SCARB1: variants seen among roughly 807,000 people sequenced by gnomAD.
The protein encoded by SCARB1 is CD36 and LIMPII analogous 1.
In SCARB1, 30 loss-of-function variants were observed where a neutral mutation model predicts 57.2. The ratio of observed to expected loss-of-function variants is 0.52; its 90% CI spans 0.39 to 0.71. SCARB1 has a LOEUF of 0.71. Ranked by LOEUF, SCARB1 falls within the 30% of genes least tolerant of loss-of-function variation. The probability of loss-of-function intolerance (pLI) is 0.00; values close to 1 mark genes in which losing one functional copy is unlikely to be tolerated. For synonymous variants in SCARB1, 249 were observed against 268.3 expected, an observed-to-expected ratio of 0.93 and a Z score of 0.70; for missense variants, 543 against 671.2, an observed-to-expected ratio of 0.81 and a Z score of 2.11.
chr12:124,826,920 A>G (rs1319022267), intron 1 of SCARB1, among the ~76,000 whole-genome samples: 3 of 152,228 alleles, frequency 2.0e-5, no homozygotes, highest in African/African-American at 7.2e-5. Context: ...AAAAACATTC[A>G]GGGAAATGAT....
chr12:124,830,660 G>T (rs77221579), intron 1 of SCARB1, among the ~76,000 whole-genome samples: 2,430 of 152,230 alleles, frequency 0.016, 32 homozygotes, highest in Non-Finnish European at 0.022. Context: ...ATACTGACAG[G>T]GAGGGGTGCG....
In SCARB1 at chr12:124,807,845, C is replaced by T; in HGVS notation, c.925G>A (p.Ala309Thr). ...TTGGGTGGGTAGATGGACCCGTTGG[C>T]AAACAGGGTTTTGGGAGCCACGAAG... ...YRFVAPKTLF[A>T]NGSIYPPNEG... is the part of the protein sequence containing the mutation. The change falls in exon 7 of 13, where the codon GCC (alanine) becomes ACC (threonine). Residue 309 changes from alanine (A) to threonine (T), a missense_variant. By Grantham distance (58) the Ala-to-Thr change is moderately conservative. Transcript: ENST00000261693. The surrounding 1 kb of genome is among the most constrained non-coding windows in gnomAD (Gnocchi z 5.3). The T allele has an allele frequency of 6.2e-7, 1 of 1,614,136 alleles. No homozygotes were observed. The highest frequency in any genetic ancestry group is 8.5e-7 in the Non-Finnish European group (1 of 1,179,996).
chr12:124,778,697 C>A (rs562733996), intron 12 of SCARB1, 111 bp from the exon 13 acceptor site: 23 of 1,106,744 alleles, frequency 2.1e-5, no homozygotes, highest in Non-Finnish European at 2.6e-5. Context: ...ACTCCACCCC[C>A]GCCACCAGGC....
At chr12:124,863,514 C>T (rs1819672278) in intron 1 of SCARB1, 81 bp downstream of exon 1, 2 of 1,485,032 alleles carry the variant, frequency 1.3e-6, no homozygotes, top group Admixed American at 2.0e-5. Context: ...GCCCACCCAC[C>T]GCAACGCGCG....
chr12:124,825,791 C>G (rs1490034348), intron 1 of SCARB1, among the ~76,000 whole-genome samples: 1 of 152,192 alleles, frequency 6.6e-6, no homozygotes, highest in African/African-American at 2.4e-5. Context: ...AGAATCTTGA[C>G]AGAAGGACAA....
intron 1 of SCARB1, among the ~76,000 whole-genome samples, chr12:124,849,736 C>G (rs1052311734): frequency 2.0e-5 from 3 of 152,224 alleles, no homozygotes; most frequent in Non-Finnish European, 4.4e-5. Flanking sequence ...CAGTCCAGAT[C>G]TAACAATCTG....
intron 1 of SCARB1, among the ~76,000 whole-genome samples, chr12:124,850,538 G>A (rs1189916541): frequency 6.6e-6 from 1 of 152,082 alleles, no homozygotes; most frequent in East Asian, 1.9e-4. Context: ...GGGCACAGTG[G>A]CGCAGCCTGT....
At chr12:124,862,015 G>A (rs920395752) in intron 1 of SCARB1, among the ~76,000 whole-genome samples, 2 of 109,750 alleles carry the variant, frequency 1.8e-5, no homozygotes, top group Admixed American at 9.7e-5. Flanking sequence ...CCCATAGCAA[G>A]AGACCAGGTG....
chr12:124,863,314 GC>G (rs930764168), intron 1 of SCARB1, among the ~76,000 whole-genome samples: 21 of 152,350 alleles, frequency 1.4e-4, no homozygotes, highest in African/African-American at 5.1e-4. Context: ...GGCGGGTCAG[GC>G]GCCCGGGTGG....
Position 124,814,138 on chromosome 12 carries a change from G to C in SCARB1, c.630+64C>G. 1 of 1,479,348 alleles carries C rather than the reference G, an allele frequency of 6.8e-7. No individual in the cohort carries two copies. Among genetic ancestry groups the C allele is most frequent in the Non-Finnish European group, 9.5e-7 (1 of 1,058,084 alleles). 91.6% of individuals were successfully genotyped at this position (1,479,348 alleles called of 1,614,324 possible). A position where few individuals can be genotyped will look rare whatever the true frequency, so the allele number is the denominator to read the frequency against. ...AAAGCAAGCTGGTGACCAGTGTCCAGGCTGTGTGAGGGGAAGACAGGACAC... is the reference window on the plus strand; with the variant it reads ...AAAGCAAGCTGGTGACCAGTGTCCACGCTGTGTGAGGGGAAGACAGGACAC... On this transcript the variant is annotated intron_variant, in intron 4 of 12. Coordinates refer to ENST00000261693, the MANE Select transcript of SCARB1 (RefSeq NM_005505.5). The surrounding 1 kb of genome is among the most constrained non-coding windows in gnomAD (Gnocchi z 4.7).
chr12:124,820,193 G>A (rs565183244), intron 1 of SCARB1, among the ~76,000 whole-genome samples: 1 of 152,128 alleles, frequency 6.6e-6, no homozygotes, highest in African/African-American at 2.4e-5. Context: ...TAACAGAAGC[G>A]AGCATTTCCG....
chr12:124,801,744 G>T (rs762773111), intron 7 of SCARB1, among the ~76,000 whole-genome samples: 1 of 151,964 alleles, frequency 6.6e-6, no homozygotes, highest in Non-Finnish European at 1.5e-5. Context: ...AGCTGAAATC[G>T]CATCACTGCA....
chr12:124,815,125 A>T lies in SCARB1; in HGVS notation c.285-11T>A, dbSNP rs1950659193. On this transcript the variant is annotated splice_polypyrimidine_tract_variant and intron_variant, in intron 2 of 12. Transcript: ENST00000261693. Reference sequence around the variant, plus strand: ...TTGTGCCTGAACTCCCTGTGGGGGAAGCCAGTGGGTCAGACGCCCCGCCCC... The same window carrying T: ...TTGTGCCTGAACTCCCTGTGGGGGATGCCAGTGGGTCAGACGCCCCGCCCC... 6.2e-7 allele frequency: 1 copy of T among 1,612,850 alleles called. No homozygotes were observed. The highest frequency in any genetic ancestry group is 2.2e-5 in the East Asian group (1 of 44,880).
At position 124,809,566 on chromosome 12, in the gene SCARB1, A is replaced by T. The variant is rs1367400340; in HGVS notation, c.842+608T>A. Reference sequence around the variant, plus strand: ...GGACACAGCCTCCTGGGGAACGGAGACTTGGCCCACCCTCTCACTACCGGG... The same window carrying T: ...GGACACAGCCTCCTGGGGAACGGAGTCTTGGCCCACCCTCTCACTACCGGG... On this transcript the variant is annotated intron_variant, in intron 6 of 12. Transcript: ENST00000261693. Among the ~76,000 whole-genome samples, 4 of 152,180 alleles carry T rather than the reference A, an allele frequency of 2.6e-5. No homozygotes were observed. The East Asian group carries it at 7.7e-4, about 29-fold the overall frequency.
intron 1 of SCARB1, among the ~76,000 whole-genome samples, chr12:124,836,305 G>T (rs1320794894): frequency 6.6e-6 from 1 of 152,166 alleles, no homozygotes; most frequent in Non-Finnish European, 1.5e-5. Flanking sequence ...CAGCCACCTC[G>T]GAGAGCCACT....
chr12:124,825,156 C>T (rs1479632088), intron 1 of SCARB1, among the ~76,000 whole-genome samples: 5 of 135,776 alleles, frequency 3.7e-5, no homozygotes, highest in African/African-American at 1.4e-4. Flanking sequence ...ATCCAGGAGG[C>T]GGAGGTTGCA....
chr12:124,781,916 A>AT (rs1165308012), intron 12 of SCARB1, among the ~76,000 whole-genome samples: 7 of 150,360 alleles, frequency 4.7e-5, no homozygotes, highest in African/African-American at 7.5e-5. Context: ...TTTTAGTTTT[A>AT]TTTTTTTGAG....
At chr12:124,837,554 A>AAAG (rs1566231936) in intron 1 of SCARB1, among the ~76,000 whole-genome samples, 1 of 14,576 alleles carries the variant, frequency 6.9e-5, no homozygotes, top group African/African-American at 1.5e-4. Flanking sequence ...AAAAGAAAAG[A>AAAG]AAAGAAAAGA....
At position 124,817,655 on chromosome 12, in the gene SCARB1, G is replaced by C. The variant is rs1231610043; in HGVS notation, c.179C>G (p.Pro60Arg). The change falls in exon 2 of 13, where the codon CCT becomes CGT. Residue 60 changes from proline (P) to arginine (R), a missense_variant. Pro to Arg is a moderately radical substitution (Grantham distance 103). Coordinates refer to ENST00000261693, the MANE Select transcript of SCARB1 (RefSeq NM_005505.5). This position sits in a 1 kb window ranked among gnomAD's most constrained non-coding sequence, Gnocchi z 4.8. ...SLSFNMWKEI[P>R]IPFYLSVYFF... ...GTAGACGGAGAGATAGAAGGGGATA[G>C]GGATCTCCTTCCACATGTTGAAGGA... is the stretch of plus-strand genomic sequence containing the variant. 2 of 1,613,794 alleles carry C rather than the reference G, an allele frequency of 1.2e-6. No homozygotes were observed. Among genetic ancestry groups the C allele is most frequent in the Admixed American group, 3.3e-5 (2 of 60,028 alleles).
Sources: allele counts gnomAD v4.1 joint callset (sites outside exome capture counted in the v4.1 genomes callset), GRCh38; gene constraint gnomAD v4.1.1; non-coding constraint Gnocchi (gnomAD v3.1); transcripts MANE v1.5; gene names NCBI Gene and HGNC (gene_info 2026-07-23, HGNC 2026-07-21).